MIA2: variants seen among roughly 807,000 people sequenced by gnomAD.
MIA2 encodes MIA SH3 domain ER export factor 2.
MIA2 carries 127 observed loss-of-function variants against 167.8 expected under a neutral mutation model. The observed-to-expected ratio is 0.76, with a 90% CI of 0.66 to 0.88. The LOEUF is 0.88. Among genes scored for constraint, MIA2 ranks in the 40% least tolerant of loss-of-function variants. MIA2 has a pLI of 0.00. For missense variants in MIA2, 1,690 were observed against 1,624.7 expected, an observed-to-expected ratio of 1.04 and a Z score of -0.69; for synonymous variants, 552 against 541.9, an observed-to-expected ratio of 1.02 and a Z score of -0.26.
intron 23 of MIA2, among the ~76,000 whole-genome samples, chr14:39,371,673 T>C (rs959735309): frequency 2.0e-5 from 3 of 152,224 alleles, no homozygotes; most frequent in Admixed American, 6.5e-5. Context: ...ATGTTATACA[T>C]TGTGTTAGGT....
At chr14:39,295,869 T>G (rs2061357429) in intron 13 of MIA2, among the ~76,000 whole-genome samples, 1 of 152,208 alleles carries the variant, frequency 6.6e-6, no homozygotes, top group African/African-American at 2.4e-5. Flanking sequence ...CATGGTTTGT[T>G]ATTACATATT....
intron 28 of MIA2, 120 bp from the exon 29 acceptor site, chr14:39,349,978 A>T (rs1257061907): frequency 4.2e-6 from 2 of 470,804 alleles, no homozygotes; most frequent in Non-Finnish European, 7.8e-6. Context: ...TCAAGTAATT[A>T]TCTAGTGTCA....
At chr14:39,310,312 T>C (rs1241778270) in intron 18 of MIA2, among the ~76,000 whole-genome samples, 1 of 152,208 alleles carries the variant, frequency 6.6e-6, no homozygotes, top group African/African-American at 2.4e-5. Flanking sequence ...GATTTAGCTG[T>C]TTAAAATGCC....
intron 7 of MIA2, among the ~76,000 whole-genome samples, chr14:39,277,671 TTTATATATATATATA>T: frequency 2.9e-5 from 1 of 34,164 alleles, no homozygotes; most frequent in Non-Finnish European, 5.8e-5. Context: ...TGTAAGATCT[TTTATATATATATATA>T]TGTGTGTATA....
At chr14:39,370,689 C>A in intron 23 of MIA2, 1 of 204,216 alleles carries the variant, frequency 4.9e-6, no homozygotes, top group Non-Finnish European at 1.0e-5. Context: ...AGAGCCACCA[C>A]TTCGCTGCTC....
At chr14:39,294,338 C>G (rs2061124083) in intron 12 of MIA2, among the ~76,000 whole-genome samples, 1 of 152,060 alleles carries the variant, frequency 6.6e-6, no homozygotes, top group Non-Finnish European at 1.5e-5. Flanking sequence ...GCTGGGATTA[C>G]AGGCATGTGC....
rs1158141734 is a variant in MIA2, at chr14:39,348,923, C to G, written c.4018C>G (p.Arg1340Gly). 6.2e-7 allele frequency: 1 copy of G among 1,614,096 alleles called. No individual in the cohort carries two copies. ...TCCAGGAGCCATGTTTGGAGCTTCT[C>G]GAGATTATTTTCCACCAGGGGATTT... The part of the protein sequence containing the change: ...PPPGAMFGAS[R>G]DYFPPGDFPG... The change falls in exon 28 of 29, where the codon CGA becomes GGA. Residue 1340 changes from arginine (R) to glycine (G), a missense_variant. Physicochemically the swap from Arg to Gly is moderately radical, Grantham distance 125. Transcript: ENST00000640607.
At chr14:39,364,975 T>C (rs971004974) in intron 23 of MIA2, among the ~76,000 whole-genome samples, 10 of 152,262 alleles carry the variant, frequency 6.6e-5, no homozygotes, top group African/African-American at 2.4e-4. Flanking sequence ...TTTCCTGTAT[T>C]TGGATGTTTA....
At chr14:39,384,906 C>T (rs947968673) in intron 23 of MIA2, among the ~76,000 whole-genome samples, 16 of 152,180 alleles carry the variant, frequency 1.1e-4, no homozygotes, top group African/African-American at 3.1e-4. Context: ...TGTGACAAAT[C>T]CAACTACCTT....
At position 39,282,125 on chromosome 14, in the gene MIA2, A is replaced by G. The variant is rs8006481; in HGVS notation, c.2130+2588A>G. Among the ~76,000 whole-genome samples, 660 of 152,294 alleles carry G rather than the reference A, an allele frequency of 4.3e-3. 5 individuals carry two copies. The highest frequency in any genetic ancestry group is 0.015 in the African/African-American group (605 of 41,548). On this transcript the variant is annotated intron_variant, in intron 9 of 28. Transcript: ENST00000640607. ...TTTTATATGAAGTGTCAGTGATAAT[A>G]TAATAAAAATTGTAAAGATAATTTT...
chr14:39,250,002 G>A (rs559770433), intron 4 of MIA2, among the ~76,000 whole-genome samples: 5 of 152,218 alleles, frequency 3.3e-5, no homozygotes, highest in East Asian at 3.9e-4. Flanking sequence ...AGGTGTAGGC[G>A]TGATGCTTTT....
chr14:39,276,802 C>G (rs2058065691), intron 6 of MIA2, 132 bp from the exon 7 acceptor site: 1 of 891,160 alleles, frequency 1.1e-6, no homozygotes, highest in Non-Finnish European at 1.7e-6. Context: ...AAAAAATGTA[C>G]TCTGATACTT....
At chr14:39,267,053 C>T (rs746907608) in intron 6 of MIA2, 6 of 1,043,114 alleles carry the variant, frequency 5.8e-6, no homozygotes, top group Non-Finnish European at 7.0e-6. Context: ...GAGCGCCGGC[C>T]CCTTTAAGAG....
chr14:39,273,257 A>G lies in MIA2; in HGVS notation c.1888-3677A>G, dbSNP rs1269151003. 2.5e-5 allele frequency among the ~76,000 whole-genome samples: 3 copies of G among 120,652 alleles called. No individual in the cohort carries two copies. The East Asian group carries it at 7.0e-4, about 28-fold the overall frequency. The allele number at this position is 120,652 out of a possible 152,430, so 79.2% of individuals were successfully genotyped here. On this transcript the variant is annotated intron_variant, in intron 6 of 28. Coordinates refer to ENST00000640607, the MANE Select transcript of MIA2 (RefSeq NM_001329214.4). ...AAGCTTTTTTTTTTTTTTTTTCCTC[A>G]TCTTTAAGTATGATGTTAACTGTAG...
intron 9 of MIA2, among the ~76,000 whole-genome samples, chr14:39,289,293 C>T (rs1158963509): frequency 1.3e-5 from 2 of 151,788 alleles, no homozygotes; most frequent in Non-Finnish European, 2.9e-5. Flanking sequence ...CGACTCACTG[C>T]AACTTCCGCC....
intron 20 of MIA2, 109 bp from the exon 21 acceptor site, chr14:39,315,574 G>A: frequency 1.3e-6 from 1 of 785,856 alleles, no homozygotes; most frequent in Non-Finnish European, 2.1e-6. Context: ...ACTCTTCAGA[G>A]ATGCTTGGGA....
chr14:39,311,466 C>CTTTTTTTTTTTTTTTTTT lies in MIA2; in HGVS notation c.3018-1865_3018-1848dup, dbSNP rs35478238. Among the ~76,000 whole-genome samples, 5 of 43,322 alleles carry CTTTTTTTTTTTTTTTTTT rather than the reference C, an allele frequency of 1.2e-4. 2 individuals are homozygous for CTTTTTTTTTTTTTTTTTT. Among genetic ancestry groups the CTTTTTTTTTTTTTTTTTT allele is most frequent in the African/African-American group, 1.9e-4 (2 of 10,774 alleles). 28.4% of individuals were successfully genotyped at this position (43,322 alleles called of 152,430 possible). ...TAGGACCTAGAAGCTTGATGTGTTG[C>CTTTTTTTTTTTTTTTTTT]TTTTTTTTTTTTTTTTTTTTTTTTT... On this transcript the variant is annotated intron_variant, in intron 18 of 28. Transcript: ENST00000640607.
rs1359841690 is a variant in MIA2 at position 39,315,627 on chromosome 14, G to GT, written c.3181-50dup. 4 of 1,343,280 alleles carry GT rather than the reference G, an allele frequency of 3.0e-6. No homozygotes were observed. In the African/African-American group the frequency reaches 5.8e-5, roughly 20 times the overall value. 83.2% of individuals were successfully genotyped at this position (1,343,280 alleles called of 1,614,324 possible). On this transcript the variant is annotated intron_variant, in intron 20 of 28. Transcript: ENST00000640607. ...CTACATCATAGTGGTAGATGTGAAT[G>GT]TTTTTTACTTAAGAAAAATAATGGT...
intron 23 of MIA2, among the ~76,000 whole-genome samples, chr14:39,364,796 A>C (rs1157180809): frequency 6.6e-6 from 1 of 151,728 alleles, no homozygotes; most frequent in Non-Finnish European, 1.5e-5. Flanking sequence ...CTGGGCTATA[A>C]AGTTTCTGCT....
Sources: gnomAD v4.1 joint callset for allele counts (sites outside exome capture counted in the v4.1 genomes callset) on GRCh38, gnomAD v4.1.1 for gene constraint, MANE v1.5 for transcripts, NCBI Gene and HGNC (gene_info 2026-07-23, HGNC 2026-07-21) for gene names.